Variants in PAQR3 observed in about 807,000 individuals in gnomAD.
PAQR3 encodes the protein Raf kinase trapping to Golgi.
A neutral mutation model predicts 41.7 loss-of-function variants in PAQR3; 39 were observed. The ratio of observed to expected loss-of-function variants is 0.93; its 90% confidence interval spans 0.72 to 1.22. PAQR3 has a LOEUF of 1.22. Among genes scored for constraint, PAQR3 ranks in the 50% most tolerant of loss-of-function variants. The probability of loss-of-function intolerance (pLI) is 0.00; values close to 1 mark genes in which losing one functional copy is unlikely to be tolerated. For missense variants in PAQR3, 366 were observed against 385.6 expected, an observed-to-expected ratio of 0.95 and a Z score of 0.42; for synonymous variants, 140 against 140.6, an observed-to-expected ratio of 1.00 and a Z score of 0.03.
At chr4:78,903,314 T>C (rs1178080691) in intron 11 of PAQR3, among the ~76,000 whole-genome samples, 1 of 152,006 alleles carries the variant, frequency 6.6e-6, no homozygotes, top group Non-Finnish European at 1.5e-5. Context: ...ATCACTAGAG[T>C]CAGATTAGCA....
In PAQR3 at chr4:78,920,646, A is replaced by G. The variant is rs1478775047; in HGVS notation, c.829T>C (p.Trp277Arg). Residue 277 changes from tryptophan (W) to arginine (R), a missense_variant, in exon 6 of 6, where the codon TGG becomes CGG. Trp to Arg is a moderately radical substitution (Grantham distance 101, BLOSUM62 -3). Transcript: ENST00000512733. ...AACATCACTACTGCAAGGATATGCCATATTTGGTGGCTTGATCCGAGGTAG... is the reference window on the plus strand; with the variant it reads ...AACATCACTACTGCAAGGATATGCCGTATTTGGTGGCTTGATCCGAGGTAG... ...LNYLGSSHQIWHILAVVMLYW... is the reference protein window; with the variant it reads ...LNYLGSSHQIRHILAVVMLYW... 6.2e-7 allele frequency: 1 copy of G among 1,610,468 alleles called. No individual in the cohort carries two copies. Among genetic ancestry groups the G allele is most frequent in the Non-Finnish European group, 8.5e-7 (1 of 1,177,868 alleles).
rs369758527 is a variant in PAQR3 at position 78,894,577 on chromosome 4, C to T, written c.*837-6429G>A. On this transcript the variant is annotated intron_variant and NMD_transcript_variant, in intron 11 of 12. Coordinates refer to the PAQR3 transcript ENST00000342820. The stretch of plus-strand genomic sequence containing the variant: ...TGCTCTGGATTAAGGCTTTGGCTTA[C>T]GGGAACGCAGTGGTTGGTTTGATCT... Among the ~76,000 whole-genome samples the T allele has an allele frequency of 2.8e-3, 427 of 152,304 alleles. 1 individual carries two copies. The highest frequency in any genetic ancestry group is 4.5e-3 in the Non-Finnish European group (307 of 68,016).
downstream of PAQR3, among the ~76,000 whole-genome samples, chr4:78,908,267 A>G (rs2110105491): frequency 6.6e-6 from 1 of 152,252 alleles, no homozygotes; most frequent in South Asian, 2.1e-4. Flanking sequence ...TTGCCAACAA[A>G]CTATACAAGA....
chr4:78,898,441 G>T (rs909159038), intron 11 of PAQR3, among the ~76,000 whole-genome samples: 1 of 151,562 alleles, frequency 6.6e-6, no homozygotes, highest in Non-Finnish European at 1.5e-5. Context: ...GTTATATATT[G>T]AATTAAACTG....
downstream of PAQR3, chr4:78,911,197 A>G: frequency 6.2e-7 from 1 of 1,613,768 alleles, no homozygotes; most frequent in Non-Finnish European, 8.5e-7. Context: ...CCCTCAACAC[A>G]GGTTTCCTGC....
chr4:78,912,175 A>G lies in PAQR3; in HGVS notation c.*8364T>C, dbSNP rs1734673701. 5 of 768,596 alleles carry G rather than the reference A, an allele frequency of 6.5e-6. No homozygotes were observed. Among genetic ancestry groups the G allele is most frequent in the Non-Finnish European group, 1.1e-5 (5 of 474,348 alleles). The allele number at this position is 768,596 out of a possible 1,614,324, so 47.6% of individuals were successfully genotyped here. A position where few individuals can be genotyped will look rare whatever the true frequency, so the allele number is the denominator to read the frequency against. On this transcript the variant is annotated 3_prime_UTR_variant, in exon 6 of 6. Coordinates refer to ENST00000512733, the MANE Select transcript of PAQR3 (RefSeq NM_001040202.2). ...AATAGGTGATTTCTAAATAAACCAA[A>G]TAGAAGAATGAAGTATCTCTACAGG... is the stretch of plus-strand genomic sequence containing the variant.
chr4:78,930,812 G>A (rs2110159774), intron 2 of PAQR3, among the ~76,000 whole-genome samples: 1 of 151,714 alleles, frequency 6.6e-6, no homozygotes, highest in Middle Eastern at 3.4e-3. Context: ...TTTTTTATGT[G>A]TCTTTCCAGA....
Position 78,914,856 on chromosome 4 carries a change from A to G in PAQR3, c.*5683T>C, listed in dbSNP as rs1397881022. 6.6e-6 allele frequency: 1 copy of G among 151,934 alleles called. No individual in the cohort carries two copies. The highest frequency in any genetic ancestry group is 1.5e-5 in the Non-Finnish European group (1 of 67,894). 9.4% of individuals were successfully genotyped at this position (151,934 alleles called of 1,614,324 possible). A position where few individuals can be genotyped will look rare whatever the true frequency, so the allele number is the denominator to read the frequency against. ...AAGAGAAGTAAATTATTATGAAGCT[A>G]GCAAAAATCTTGAGGCCAAAGTTGT... On this transcript the variant is annotated 3_prime_UTR_variant, in exon 6 of 6. Coordinates refer to ENST00000512733, the MANE Select transcript of PAQR3 (RefSeq NM_001040202.2).
downstream of PAQR3, among the ~76,000 whole-genome samples, chr4:78,907,315 G>T (rs543599132): frequency 1.1e-4 from 17 of 152,154 alleles, no homozygotes; most frequent in Non-Finnish European, 1.8e-4. Flanking sequence ...TAAAGTGACA[G>T]ATGTCTTCTG....
Position 78,920,303 on chromosome 4 carries a change from TG to T in PAQR3, c.*235del. On this transcript the variant is annotated 3_prime_UTR_variant, in exon 6 of 6. Coordinates refer to ENST00000512733, the MANE Select transcript of PAQR3 (RefSeq NM_001040202.2). ...ATCGTTGTTATTCAGATGTTTCTTA[TG>T]ATTGCCAACTAATTTTCACTTTCTG... 4.3e-6 allele frequency: 5 copies of T among 1,175,214 alleles called. No homozygotes were observed. Among genetic ancestry groups the T allele is most frequent in the Non-Finnish European group, 5.3e-6 (5 of 951,494 alleles). 72.8% of individuals were successfully genotyped at this position (1,175,214 alleles called of 1,614,324 possible).
downstream of PAQR3, among the ~76,000 whole-genome samples, chr4:78,907,428 C>T (rs1734341441): frequency 6.6e-6 from 1 of 152,136 alleles, no homozygotes; most frequent in African/African-American, 2.4e-5. Context: ...AAATTCACTT[C>T]CAAGTGACAC....
chr4:78,914,401 A>G lies in PAQR3; in HGVS notation c.*6138T>C, dbSNP rs1302941601. On this transcript the variant is annotated 3_prime_UTR_variant, in exon 6 of 6. Coordinates refer to ENST00000512733, the MANE Select transcript of PAQR3 (RefSeq NM_001040202.2). ...GCTCAGAGAAAAGATACAGGATTCA[A>G]TTGGGGGTTCAATAGGATAGAAATG... The G allele has an allele frequency of 2.0e-5, 3 of 152,008 alleles. No homozygotes were observed. The highest frequency in any genetic ancestry group is 1.3e-4 in the Admixed American group (2 of 15,238). 9.4% of individuals were successfully genotyped at this position (152,008 alleles called of 1,614,324 possible). A position where few individuals can be genotyped will look rare whatever the true frequency, so the allele number is the denominator to read the frequency against.
At chr4:78,934,364 C>T (rs146868325) in intron 2 of PAQR3, among the ~76,000 whole-genome samples, 1 of 152,254 alleles carries the variant, frequency 6.6e-6, no homozygotes, top group Admixed American at 6.5e-5. Flanking sequence ...CAGCAACAGG[C>T]TAACTGCAGG....
chr4:78,933,684 T>C (rs1428451990), intron 2 of PAQR3, among the ~76,000 whole-genome samples: 2 of 152,238 alleles, frequency 1.3e-5, no homozygotes, highest in Non-Finnish European at 2.9e-5. Flanking sequence ...ACTGCCCTGC[T>C]GAATAATCCT....
rs1372744002 is a variant in PAQR3, at chr4:78,895,629, A to G, written c.*837-7481T>C. ...AATAAGAAGATGGATCTATAGATTT[A>G]TTAATGGAAGTTGGGATGTAGATGG... On this transcript the variant is annotated intron_variant and NMD_transcript_variant, in intron 11 of 12. Coordinates refer to the PAQR3 transcript ENST00000342820. Among the ~76,000 whole-genome samples the G allele has an allele frequency of 6.6e-5, 10 of 152,308 alleles. No homozygotes were observed. In the South Asian group the frequency reaches 2.1e-3, roughly 32 times the overall value.
At chr4:78,896,732 G>T (rs1010036278) in intron 11 of PAQR3, among the ~76,000 whole-genome samples, 5 of 152,118 alleles carry the variant, frequency 3.3e-5, no homozygotes, top group Admixed American at 1.3e-4. Flanking sequence ...TATTTAAACT[G>T]TTTTTTATCA....
At chr4:78,891,331 A>G (rs1733425190) in intron 11 of PAQR3, among the ~76,000 whole-genome samples, 2 of 151,934 alleles carry the variant, frequency 1.3e-5, no homozygotes, top group African/African-American at 4.8e-5. Context: ...CATTTGTAGC[A>G]TCTGTATTAA....
At chr4:78,923,339 T>A (rs1197787819) in intron 5 of PAQR3, among the ~76,000 whole-genome samples, 1 of 151,992 alleles carries the variant, frequency 6.6e-6, no homozygotes, top group Non-Finnish European at 1.5e-5. Context: ...ATCTTTTTTT[T>A]TTATTATTAT....
chr4:78,934,648 T>C (rs997817235), intron 2 of PAQR3, among the ~76,000 whole-genome samples: 3 of 152,150 alleles, frequency 2.0e-5, no homozygotes, highest in African/African-American at 7.2e-5. Flanking sequence ...GCCAGGCCAG[T>C]GGGTTCAAAA....
Sources: gnomAD v4.1 joint callset for allele counts (sites outside exome capture counted in the v4.1 genomes callset) on GRCh38, gnomAD v4.1.1 for gene constraint, MANE v1.5 for transcripts, NCBI Gene and HGNC (gene_info 2026-07-23, HGNC 2026-07-21) for gene names.